ABI3BP: variants seen among roughly 807,000 people sequenced by gnomAD.
ABI3BP encodes ABI family member 3 binding protein, also known as target of Nesh-SH3.
A neutral mutation model predicts 268.6 loss-of-function variants in ABI3BP; 216 were observed. The observed-to-expected ratio is 0.80, with a 90% CI of 0.72 to 0.90. The LOEUF (loss-of-function observed/expected upper bound fraction) is 0.90. ABI3BP is among the 40% of genes least tolerant of loss of function. The probability of loss-of-function intolerance (pLI) is 0.00; values close to 1 mark genes in which losing one functional copy is unlikely to be tolerated. For synonymous variants in ABI3BP, 730 were observed against 730.0 expected (o/e 1.00, Z 0.00); for missense variants, 2,090 against 2,182.4 (o/e 0.96, Z 0.84).
Position 100,817,463 on chromosome 3 carries a change from T to C in ABI3BP, c.3121A>G (p.Arg1041Gly), listed in dbSNP as rs2098090048. The change falls in exon 42 of 68, where the codon AGA (arginine) becomes GGA (glycine). Residue 1041 changes from arginine (R) to glycine (G), a missense_variant. Coordinates refer to ENST00000471714, the MANE Select transcript of ABI3BP (RefSeq NM_001375547.2). ...VTTVLEPDTF[R>G]TKFPETTLAP... ...AACGTTGTTTCTGGAAACTTGGTTC[T>C]AAAAGTGTCAGGTTCAAGGACTGTA... is the stretch of plus-strand genomic sequence containing the variant. 3.3e-6 allele frequency: 5 copies of C among 1,511,962 alleles called. No individual in the cohort carries two copies. The highest frequency in any genetic ancestry group is 2.0e-5 in the Admixed American group (1 of 50,094). The allele number at this position is 1,511,962 out of a possible 1,614,324, so 93.7% of individuals were successfully genotyped here.
chr3:100,832,307 T>A lies in ABI3BP; in HGVS notation c.2358A>T (p.Lys786Asn), dbSNP rs1379225506. The A allele has an allele frequency of 9.8e-6, 15 of 1,535,522 alleles. No homozygotes were observed. In the East Asian group the frequency reaches 3.4e-4, roughly 35 times the overall value. ...TTKRTRRPHPKPKTTPHPEVP... is the reference protein window; with the variant it reads ...TTKRTRRPHPNPKTTPHPEVP... ...CTTCTGGATGGGGCGTGGTTTTAGG[T>A]TTGGGATGTGGACGACGGGTTCTTT... is the stretch of plus-strand genomic sequence containing the variant. The change falls in exon 31 of 68, where the codon AAA becomes AAT. Residue 786 changes from lysine (K) to asparagine (N), a missense_variant. Physicochemically the swap from Lys to Asn is moderately conservative, Grantham distance 94 (BLOSUM62 0). Transcript: ENST00000471714.
chr3:100,983,005 G>A (rs2255942), intron 1 of ABI3BP, among the ~76,000 whole-genome samples: 3 of 152,160 alleles, frequency 2.0e-5, no homozygotes, highest in Non-Finnish European at 4.4e-5. Context: ...AGAGAAGCAA[G>A]GCCTGTTAGG....
rs1328201138 is a variant in ABI3BP at position 100,898,801 on chromosome 3, T to C, written c.422A>G (p.His141Arg). Residue 141 changes from histidine to arginine, a missense_variant, in exon 4 of 68, where the codon CAC becomes CGC. Physicochemically the swap from His to Arg is conservative, Grantham distance 29 (BLOSUM62 0). Coordinates refer to ENST00000471714, the MANE Select transcript of ABI3BP (RefSeq NM_001375547.2). ...GTGACTTGGCAATGTCCAGTCATGG[T>C]GTGGGTTGATGAGGAAACCCCAGGA... ...FLSWGFLINP[H>R]HDWTLPSHCP... 1.2e-6 allele frequency: 2 copies of C among 1,613,742 alleles called. No individual in the cohort carries two copies. The highest frequency in any genetic ancestry group is 1.7e-5 in the Admixed American group (1 of 59,986).
chr3:100,876,861 G>A lies in ABI3BP; in HGVS notation c.697-301C>T, dbSNP rs183598556. Reference sequence around the variant, plus strand: ...AAATTAGTTGGGCATGGTGGTGGGCGCCTGTAATCTCAGCTACTTGGGAGG... The same window carrying A: ...AAATTAGTTGGGCATGGTGGTGGGCACCTGTAATCTCAGCTACTTGGGAGG... On this transcript the variant is annotated intron_variant, in intron 6 of 67. Transcript: ENST00000471714. Among the ~76,000 whole-genome samples, 86 of 151,960 alleles carry A rather than the reference G, an allele frequency of 5.7e-4. 1 individual carries two copies. The highest frequency in any genetic ancestry group is 2.0e-3 in the African/African-American group (82 of 41,458).
intron 2 of ABI3BP, among the ~76,000 whole-genome samples, chr3:100,905,746 G>C (rs1358086877): frequency 6.6e-6 from 1 of 152,028 alleles, no homozygotes; most frequent in African/African-American, 2.4e-5. Flanking sequence ...GGAATTAAAG[G>C]CCCTTACGTT....
At chr3:100,818,688 C>G (rs1270720475) in intron 40 of ABI3BP, 107 bp from the exon 41 acceptor site, 1 of 925,414 alleles carries the variant, frequency 1.1e-6, no homozygotes, top group Non-Finnish European at 1.6e-6. Flanking sequence ...TTTTCTGAAA[C>G]TTGATACTTG....
intron 2 of ABI3BP, among the ~76,000 whole-genome samples, chr3:100,919,052 G>A (rs1273768519): frequency 6.6e-6 from 1 of 152,164 alleles, no homozygotes; most frequent in Non-Finnish European, 1.5e-5. Context: ...CTTGCTCCCT[G>A]CCTTTGAAGC....
intron 1 of ABI3BP, among the ~76,000 whole-genome samples, chr3:100,953,684 A>T (rs936534055): frequency 6.6e-6 from 1 of 152,170 alleles, no homozygotes; most frequent in Admixed American, 6.5e-5. Flanking sequence ...AATGCTTTAC[A>T]TTTCTTGAAT....
intron 14 of ABI3BP, among the ~76,000 whole-genome samples, chr3:100,861,146 C>G (rs2098994100): frequency 6.6e-6 from 1 of 152,174 alleles, no homozygotes; most frequent in Non-Finnish European, 1.5e-5. Flanking sequence ...CAGTTTGAGG[C>G]TTCTCTGGAT....
intron 62 of ABI3BP, among the ~76,000 whole-genome samples, chr3:100,769,650 T>C (rs532208273): frequency 3.3e-4 from 50 of 152,264 alleles, no homozygotes; most frequent in African/African-American, 1.1e-3. Context: ...TATGAAGAGT[T>C]TTAGACATTT....
intron 2 of ABI3BP, among the ~76,000 whole-genome samples, chr3:100,924,372 T>C (rs564605684): frequency 7.3e-4 from 111 of 152,296 alleles, no homozygotes; most frequent in African/African-American, 2.5e-3. Context: ...AATGGTATTA[T>C]AGAATTATTG....
At chr3:100,965,141 G>A (rs981629571) in intron 1 of ABI3BP, among the ~76,000 whole-genome samples, 1 of 152,092 alleles carries the variant, frequency 6.6e-6, no homozygotes, top group Non-Finnish European at 1.5e-5. Flanking sequence ...CCACACATAA[G>A]CCAACTCTTT....
At chr3:100,857,275 G>A (rs982951897) in intron 14 of ABI3BP, among the ~76,000 whole-genome samples, 2 of 152,162 alleles carry the variant, frequency 1.3e-5, no homozygotes, top group Admixed American at 6.5e-5. Context: ...ATGATGTGAA[G>A]GGGTGGCAGC....
intron 63 of ABI3BP, among the ~76,000 whole-genome samples, chr3:100,759,405 G>C (rs946621251): frequency 6.6e-6 from 1 of 152,182 alleles, no homozygotes; most frequent in African/African-American, 2.4e-5. Flanking sequence ...TTATTATGCT[G>C]ATCTGGGAAC....
At chr3:100,978,483 C>T (rs143586003) in intron 1 of ABI3BP, among the ~76,000 whole-genome samples, 1 of 152,280 alleles carries the variant, frequency 6.6e-6, no homozygotes, top group African/African-American at 2.4e-5. Context: ...ACTAATAGCT[C>T]ATAATGTCAC....
intron 38 of ABI3BP, among the ~76,000 whole-genome samples, chr3:100,821,717 C>T (rs1207840151): frequency 6.6e-6 from 1 of 151,396 alleles, no homozygotes; most frequent in Non-Finnish European, 1.5e-5. Flanking sequence ...AATTCTCTGC[C>T]CCAGCCTCCT....
intron 14 of ABI3BP, among the ~76,000 whole-genome samples, chr3:100,854,077 G>A (rs565474881): frequency 2.9e-4 from 44 of 151,864 alleles, no homozygotes; most frequent in Middle Eastern, 3.4e-3. Flanking sequence ...TTGCCTGGGC[G>A]TGGTGGCTCA....
At chr3:100,854,138 G>C (rs1176984776) in intron 14 of ABI3BP, among the ~76,000 whole-genome samples, 1 of 150,930 alleles carries the variant, frequency 6.6e-6, no homozygotes, top group Admixed American at 6.6e-5. Context: ...ATCCCTTGAG[G>C]TTAGGAGTTC....
At chr3:100,771,143 T>A (rs2096533846) in intron 61 of ABI3BP, among the ~76,000 whole-genome samples, 191 bp from the exon 62 acceptor site, 1 of 152,202 alleles carries the variant, frequency 6.6e-6, no homozygotes, top group Admixed American at 6.5e-5. Flanking sequence ...AGGGTGGTGT[T>A]GATTTACTTA....
Sources: allele counts gnomAD v4.1 joint callset (sites outside exome capture counted in the v4.1 genomes callset), GRCh38; gene constraint gnomAD v4.1.1; transcripts MANE v1.5; gene names NCBI Gene and HGNC (gene_info 2026-07-23, HGNC 2026-07-21).